The following PIGK variants were observed in gnomAD, a reference collection of about 807,000 sequenced individuals.
PIGK encodes phosphatidylinositol glycan anchor biosynthesis class K.
PIGK carries 42 observed loss-of-function variants against 50.6 expected under a neutral mutation model. The observed-to-expected ratio is 0.83, with a 90% CI of 0.65 to 1.07. PIGK has a LOEUF of 1.07. Ranked by LOEUF, PIGK falls within the 50% of genes least tolerant of loss-of-function variation. The probability of loss-of-function intolerance (pLI) is 0.00; values close to 1 mark genes in which losing one functional copy is unlikely to be tolerated. For synonymous variants in PIGK, 151 were observed against 156.0 expected, an observed-to-expected ratio of 0.97 and a Z score of 0.24; for missense variants, 448 against 488.7, an observed-to-expected ratio of 0.92 and a Z score of 0.78.
chr1:77,161,262 T>A (rs1655121487), intron 8 of PIGK, 33 bp downstream of exon 8: 1 of 977,156 alleles, frequency 1.0e-6, no homozygotes, highest in Non-Finnish European at 1.7e-6. Flanking sequence ...TTAGCATACC[T>A]ATGTGCTATA....
At chr1:77,180,636 A>G (rs1406508176) in intron 3 of PIGK, among the ~76,000 whole-genome samples, 1 of 151,310 alleles carries the variant, frequency 6.6e-6, no homozygotes, top group Non-Finnish European at 1.5e-5. Context: ...TTAGGGAAAC[A>G]TAAGACATCA....
intron 8 of PIGK, 24 bp from the exon 9 acceptor site, chr1:77,154,645 T>C: frequency 2.0e-6 from 3 of 1,470,476 alleles, no homozygotes; most frequent in Admixed American, 3.5e-5. Context: ...TAATAATAAA[T>C]GCATGCATCC....
chr1:77,110,333 G>A (rs1383573131), intron 10 of PIGK, among the ~76,000 whole-genome samples: 3 of 152,076 alleles, frequency 2.0e-5, no homozygotes, highest in Non-Finnish European at 2.9e-5. Flanking sequence ...CAAAGCTGGA[G>A]GCATCACACT....
intron 9 of PIGK, among the ~76,000 whole-genome samples, chr1:77,144,598 T>C (rs1158234982): frequency 1.3e-5 from 2 of 151,900 alleles, no homozygotes; most frequent in African/African-American, 2.4e-5. Context: ...TGGTACTATG[T>C]TGTGCTATAC....
chr1:77,129,766 A>T (rs1188230003), intron 9 of PIGK: 1 of 694,878 alleles, frequency 1.4e-6, no homozygotes, highest in Non-Finnish European at 2.1e-6. Flanking sequence ...TTACAGAAAA[A>T]GTTGCCCAAC....
intron 9 of PIGK, among the ~76,000 whole-genome samples, chr1:77,136,290 G>A (rs764953516): frequency 6.6e-6 from 1 of 152,056 alleles, no homozygotes; most frequent in Non-Finnish European, 1.5e-5. Flanking sequence ...AGCACTTTGG[G>A]AGGCCGAGGC....
intron 3 of PIGK, among the ~76,000 whole-genome samples, chr1:77,181,360 T>C (rs905351038): frequency 2.0e-5 from 3 of 152,238 alleles, no homozygotes; most frequent in South Asian, 2.1e-4. Context: ...CCTGGACCAT[T>C]AGAGTGTGAA....
chr1:77,207,113 G>A (rs1486739662), intron 2 of PIGK, among the ~76,000 whole-genome samples: 3 of 152,182 alleles, frequency 2.0e-5, no homozygotes, highest in Non-Finnish European at 4.4e-5. Context: ...GTTGCAGGGA[G>A]TGGAGATGGC....
intron 3 of PIGK, chr1:77,194,792 AC>A: frequency 8.2e-6 from 3 of 364,794 alleles, no homozygotes; most frequent in Non-Finnish European, 1.6e-5. Context: ...CCTAAAATAA[AC>A]GTTGAAAAGA....
chr1:77,109,647 C>A (rs1324857278), intron 10 of PIGK, among the ~76,000 whole-genome samples: 1 of 152,152 alleles, frequency 6.6e-6, no homozygotes, highest in African/African-American at 2.4e-5. Context: ...AACCCACAGC[C>A]AATATCATAC....
chr1:77,112,001 T>C (rs895547412), intron 10 of PIGK, among the ~76,000 whole-genome samples: 1 of 152,038 alleles, frequency 6.6e-6, no homozygotes, highest in Non-Finnish European at 1.5e-5. Flanking sequence ...TATATGAATG[T>C]AGATTAAATA....
chr1:77,212,215 C>A (rs1656436910), intron 1 of PIGK, among the ~76,000 whole-genome samples: 1 of 152,112 alleles, frequency 6.6e-6, no homozygotes, highest in Non-Finnish European at 1.5e-5. Context: ...ATAAGCCATA[C>A]TGACCTCAGA....
At chr1:77,202,070 C>T (rs1414432327) in intron 3 of PIGK, among the ~76,000 whole-genome samples, 3 of 151,658 alleles carry the variant, frequency 2.0e-5, no homozygotes, top group Non-Finnish European at 2.9e-5. Context: ...AAAAAAATAC[C>T]TGACTAAAAA....
chr1:77,148,993 G>A (rs1011473715), intron 9 of PIGK, among the ~76,000 whole-genome samples: 1 of 152,094 alleles, frequency 6.6e-6, no homozygotes, highest in African/African-American at 2.4e-5. Context: ...GGGATTACAG[G>A]CGTGAGCCAC....
chr1:77,218,717 G>T (rs1348935504), intron 1 of PIGK, among the ~76,000 whole-genome samples: 1 of 152,112 alleles, frequency 6.6e-6, no homozygotes, highest in Non-Finnish European at 1.5e-5. Context: ...AGAGTATGGT[G>T]AATAGTAAAA....
chr1:77,128,287 A>G (rs1654275033), intron 9 of PIGK, among the ~76,000 whole-genome samples: 2 of 152,172 alleles, frequency 1.3e-5, no homozygotes, highest in Non-Finnish European at 2.9e-5. Context: ...AAAAGACATA[A>G]TATGAGGCAG....
At chr1:77,102,527 T>G (rs1355077764) in intron 10 of PIGK, among the ~76,000 whole-genome samples, 1 of 152,144 alleles carries the variant, frequency 6.6e-6, no homozygotes, top group Non-Finnish European at 1.5e-5. Context: ...AAAGGGGTCA[T>G]GAGCCATAGG....
intron 3 of PIGK, among the ~76,000 whole-genome samples, chr1:77,186,655 T>G (rs1281863644): frequency 1.3e-5 from 2 of 152,164 alleles, no homozygotes; most frequent in Non-Finnish European, 2.9e-5. Context: ...TCTGTGGACA[T>G]CACTCAGCCT....
intron 8 of PIGK, among the ~76,000 whole-genome samples, chr1:77,157,527 T>C (rs1328385275): frequency 1.3e-5 from 2 of 152,184 alleles, no homozygotes; most frequent in African/African-American, 4.8e-5. Flanking sequence ...CTTACATAAA[T>C]TATAAAATGT....
Sources: allele counts gnomAD v4.1 joint callset (sites outside exome capture counted in the v4.1 genomes callset), GRCh38; gene constraint gnomAD v4.1.1; transcripts MANE v1.5; gene names NCBI Gene and HGNC (gene_info 2026-07-23, HGNC 2026-07-21).